The following OSBPL9 variants were observed in gnomAD, a reference collection of about 807,000 sequenced individuals.
OSBPL9 encodes the protein oxysterol binding protein like 9, also known as oxysterol-binding protein-related protein 9.
A neutral mutation model predicts 106.6 loss-of-function variants in OSBPL9; 40 were observed. The ratio of observed to expected loss-of-function variants is 0.38; its 90% CI spans 0.29 to 0.49. The LOEUF (loss-of-function observed/expected upper bound fraction) is 0.49. Ranked by LOEUF, OSBPL9 falls within the 20% of genes least tolerant of loss-of-function variation. The pLI, the probability that OSBPL9 is intolerant of heterozygous loss-of-function variation, is 0.97. For synonymous variants in OSBPL9, 269 were observed against 295.4 expected, an observed-to-expected ratio of 0.91 and a Z score of 0.92; for missense variants, 609 against 887.2, an observed-to-expected ratio of 0.69 and a Z score of 3.98.
chr1:51,760,868 T>C, intron 10 of OSBPL9, 88 bp downstream of exon 10: 1 of 1,395,328 alleles, frequency 7.2e-7, no homozygotes, highest in South Asian at 1.3e-5. Context: ...TTACTGTTTA[T>C]TTTTGATTTT....
chr1:51,714,582 C>T (rs775323501), intron 4 of OSBPL9, among the ~76,000 whole-genome samples: 1 of 152,168 alleles, frequency 6.6e-6, no homozygotes, highest in Non-Finnish European at 1.5e-5. Context: ...TTAGGTAATT[C>T]ATGTCATGAG....
chr1:51,640,030 C>T (rs966517345), intron 1 of OSBPL9, among the ~76,000 whole-genome samples: 2 of 151,806 alleles, frequency 1.3e-5, no homozygotes, highest in African/African-American at 4.8e-5. Flanking sequence ...GGAAGTCTCA[C>T]TATGTTGCCC....
the OSBPL9 span, among the ~76,000 whole-genome samples, chr1:51,557,949 C>T: frequency 1.3e-5 from 2 of 152,200 alleles, no homozygotes; most frequent in Admixed American, 1.3e-4. Flanking sequence ...TGCCCTTGTT[C>T]ATTCCTGGCC....
chr1:51,745,961 T>G (rs939738931), intron 5 of OSBPL9, among the ~76,000 whole-genome samples: 2 of 152,090 alleles, frequency 1.3e-5, no homozygotes, highest in African/African-American at 2.4e-5. Context: ...CAATTTCTTT[T>G]TTTGTTTGTT....
chr1:51,651,421 G>A (rs1319464337), intron 1 of OSBPL9, among the ~76,000 whole-genome samples: 2 of 152,040 alleles, frequency 1.3e-5, no homozygotes, highest in Non-Finnish European at 2.9e-5. Flanking sequence ...TGGCCAACAT[G>A]GTGAAACCCC....
rs1355900709 is a variant in OSBPL9 at position 51,617,212 on chromosome 1, C to G, written c.102C>G (p.Ser34=). ...TGGACTACAATGCAGGACTGCTCTCCTACTACACGGTGAGTCCTTGGAGGG... is the reference window on the plus strand; with the variant it reads ...TGGACTACAATGCAGGACTGCTCTCGTACTACACGGTGAGTCCTTGGAGGG... The part of the protein sequence containing the change: ...FVLDYNAGLL[S]YYTSKDKMMR... The change falls in exon 1 of 24, where the codon TCC becomes TCG. Residue 34 remains serine, a synonymous_variant. Transcript: ENST00000428468. 6.2e-7 allele frequency: 1 copy of G among 1,611,582 alleles called. No individual in the cohort carries two copies. Among genetic ancestry groups the G allele is most frequent in the South Asian group, 1.1e-5 (1 of 90,436 alleles).
At chr1:51,722,043 G>T (rs1309243157) in intron 4 of OSBPL9, among the ~76,000 whole-genome samples, 2 of 152,180 alleles carry the variant, frequency 1.3e-5, no homozygotes, top group East Asian at 1.9e-4. Context: ...ATTTAAGATT[G>T]CCTGGCATGG....
At chr1:51,598,039 T>G (rs1262895095) in intron 1 of OSBPL9, 1 of 152,258 alleles carries the variant, frequency 6.6e-6, no homozygotes, top group Non-Finnish European at 1.5e-5. Flanking sequence ...CAGAGAGATG[T>G]ACCAGATATT....
chr1:51,708,314 G>A lies in OSBPL9; in HGVS notation c.242-5689G>A, dbSNP rs1238255994. ...CTAGCTTAAATTTCCACTATGGTTA[G>A]AGAATATATGATTTCAGTCCTTTGA... On this transcript the variant is annotated intron_variant, in intron 3 of 23. Coordinates refer to ENST00000428468, the MANE Select transcript of OSBPL9 (RefSeq NM_024586.6). Among the ~76,000 whole-genome samples the A allele has an allele frequency of 3.5e-5, 5 of 143,914 alleles. No homozygotes were observed. In the Admixed American group the frequency reaches 3.5e-4, roughly 10 times the overall value. The allele number at this position is 143,914 out of a possible 152,430, so 94.4% of individuals were successfully genotyped here.
At chr1:51,588,560 A>G (rs1645258544) in intron 1 of OSBPL9, among the ~76,000 whole-genome samples, 1 of 151,960 alleles carries the variant, frequency 6.6e-6, no homozygotes, top group Admixed American at 6.6e-5. Flanking sequence ...CTGAAGTGGG[A>G]TGGTCACTTG....
rs72896017 is a variant in OSBPL9, at chr1:51,618,844, C to T, written c.111+1623C>T. Reference sequence around the variant, plus strand: ...ATCACATAGCACTAAGTGATGGAATCAGGATGCCAAATTATTGACTTTTTC... The same window carrying T: ...ATCACATAGCACTAAGTGATGGAATTAGGATGCCAAATTATTGACTTTTTC... On this transcript the variant is annotated intron_variant, in intron 1 of 23. Transcript: ENST00000428468. 8.3e-3 allele frequency among the ~76,000 whole-genome samples: 1,261 copies of T among 152,288 alleles called. 13 individuals carry two copies. The highest frequency in any genetic ancestry group is 0.029 in the African/African-American group (1,205 of 41,556).
chr1:51,714,561 T>C (rs769249285), intron 4 of OSBPL9, among the ~76,000 whole-genome samples: 2 of 152,180 alleles, frequency 1.3e-5, no homozygotes, highest in Non-Finnish European at 1.5e-5. Context: ...TCTGGTTAGA[T>C]GTGGTTTGAA....
chr1:51,767,393 TAA>T (rs757038967), intron 12 of OSBPL9, among the ~76,000 whole-genome samples: 46 of 138,618 alleles, frequency 3.3e-4, no homozygotes, highest in Non-Finnish European at 3.2e-4. Context: ...GACTCTGTCT[TAA>T]AAAAAAAAAA....
At chr1:51,784,090 A>G (rs58267586) in intron 18 of OSBPL9, 65 bp downstream of exon 18, 19,655 of 1,471,852 alleles carry the variant, frequency 0.013, 370 homozygotes, top group Middle Eastern at 0.067. Context: ...TGGCTAGACT[A>G]GATGTCATTG....
chr1:51,787,434 A>T lies in OSBPL9; in HGVS notation c.2082A>T (p.Arg694Ser), dbSNP rs773315670. The change falls in exon 23 of 24, where the codon AGA becomes AGT. Residue 694 changes from arginine to serine, a missense_variant. Around this residue, in one of 5 missense-constraint regions of OSBPL9, gnomAD observed 132 missense variants for 158.1 expected, o/e 0.83. Transcript: ENST00000428468. ...AAGCAAAGCACAGGCTTGAAGAAAG[A>T]CAAAGAGCAGAAGCCCGAGAAAGGA... ...ATEAKHRLEERQRAEARERKE... is the reference protein window; with the variant it reads ...ATEAKHRLEESQRAEARERKE... 1.9e-6 allele frequency: 3 copies of T among 1,613,978 alleles called. No individual in the cohort carries two copies. Among genetic ancestry groups the T allele is most frequent in the Non-Finnish European group, 2.5e-6 (3 of 1,179,936 alleles).
At chr1:51,574,760 T>A (rs922289030), upstream of OSBPL9, among the ~76,000 whole-genome samples, 1 of 152,208 alleles carries the variant, frequency 6.6e-6, no homozygotes, top group Non-Finnish European at 1.5e-5. Flanking sequence ...CCCTTACACA[T>A]ATTTATGTTT....
At chr1:51,703,352 C>CT (rs1421200773) in intron 3 of OSBPL9, among the ~76,000 whole-genome samples, 1 of 152,132 alleles carries the variant, frequency 6.6e-6, no homozygotes, top group Non-Finnish European at 1.5e-5. Flanking sequence ...TGAAGAGGTC[C>CT]TTCATGTCCC....
chr1:51,697,977 A>G (rs1456688087), intron 3 of OSBPL9, among the ~76,000 whole-genome samples: 1 of 151,986 alleles, frequency 6.6e-6, no homozygotes, highest in Non-Finnish European at 1.5e-5. Context: ...TGATAATAAT[A>G]ACATATTGGT....
chr1:51,536,950 G>A, the OSBPL9 span, among the ~76,000 whole-genome samples: 2 of 152,124 alleles, frequency 1.3e-5, no homozygotes, highest in African/African-American at 4.8e-5. Context: ...TGTAAGTAAT[G>A]GTAATCTGTA....
Sources: allele counts gnomAD v4.1 joint callset (sites outside exome capture counted in the v4.1 genomes callset), GRCh38; gene constraint gnomAD v4.1.1; regional missense constraint gnomAD v4.1.1; transcripts MANE v1.5; gene names NCBI Gene and HGNC (gene_info 2026-07-23, HGNC 2026-07-21).